EIF4ENIF1: variants seen among roughly 807,000 people sequenced by gnomAD.
EIF4ENIF1 encodes the protein eukaryotic translation initiation factor 4E nuclear import factor 1.
In EIF4ENIF1, 23 loss-of-function variants were observed where a neutral mutation model predicts 110.5. The ratio of observed to expected loss-of-function variants is 0.21; its 90% confidence interval spans 0.15 to 0.29. The LOEUF (loss-of-function observed/expected upper bound fraction) is 0.29. Ranked by LOEUF, EIF4ENIF1 falls within the 10% of genes least tolerant of loss-of-function variation. The pLI is 1.00. For missense variants in EIF4ENIF1, 1,031 were observed against 1,221.1 expected (o/e 0.84, Z 2.32); for synonymous variants, 440 against 437.0 (o/e 1.01, Z -0.09).
chr22:31,475,573 G>A (rs2051540831), intron 2 of EIF4ENIF1, among the ~76,000 whole-genome samples: 1 of 152,090 alleles, frequency 6.6e-6, no homozygotes, highest in Non-Finnish European at 1.5e-5. Flanking sequence ...CCAACATGGT[G>A]AAACCCTGTC....
At chr22:31,454,480 TTGAGA>T (rs2050759283) in intron 9 of EIF4ENIF1, 104 bp from the exon 10 acceptor site, 1 of 962,208 alleles carries the variant, frequency 1.0e-6, no homozygotes, top group Non-Finnish European at 1.5e-6. Context: ...TATTTCAAAA[TTGAGA>T]TGAGACTGTC....
chr22:31,470,057 G>A (rs1476195175), intron 3 of EIF4ENIF1, among the ~76,000 whole-genome samples: 3 of 151,034 alleles, frequency 2.0e-5, no homozygotes, highest in Admixed American at 6.6e-5. Context: ...CCAACTACTC[G>A]GGAGGCTGAG....
At chr22:31,491,681 C>T (rs1278543518), upstream of EIF4ENIF1, among the ~76,000 whole-genome samples, 2 of 152,182 alleles carry the variant, frequency 1.3e-5, no homozygotes, top group Non-Finnish European at 2.9e-5. Flanking sequence ...GCTGGGACTA[C>T]AGGCTCCTGC....
At chr22:31,453,297 GTTTTGT>G in intron 10 of EIF4ENIF1, 1 of 341,080 alleles carries the variant, frequency 2.9e-6, no homozygotes, top group Non-Finnish European at 5.9e-6. Context: ...ATGCCTACAA[GTTTTGT>G]TTTTAACTTG....
At chr22:31,463,579 G>C in intron 5 of EIF4ENIF1, 102 bp downstream of exon 5, 7 of 1,182,368 alleles carry the variant, frequency 5.9e-6, no homozygotes, top group Non-Finnish European at 6.9e-6. Context: ...ATACTGGGCT[G>C]AGGCAGCAGT....
At chr22:31,488,374 C>T (rs901034105) in intron 2 of EIF4ENIF1, among the ~76,000 whole-genome samples, 1 of 152,116 alleles carries the variant, frequency 6.6e-6, no homozygotes, top group African/African-American at 2.4e-5. Context: ...TACTGATCCG[C>T]AATTTTAAAA....
At chr22:31,482,397 T>C (rs1443515751) in intron 2 of EIF4ENIF1, among the ~76,000 whole-genome samples, 1 of 152,128 alleles carries the variant, frequency 6.6e-6, no homozygotes, top group Non-Finnish European at 1.5e-5. Flanking sequence ...GATTAGTCTA[T>C]TTGGCCGGGT....
intron 4 of EIF4ENIF1, among the ~76,000 whole-genome samples, chr22:31,465,860 G>A (rs5749280): frequency 0.072 from 11,019 of 152,268 alleles, 690 homozygotes; most frequent in East Asian, 0.33. Context: ...ACTCAACAAC[G>A]TGGATAAATC....
rs556248933 is a variant in EIF4ENIF1, at chr22:31,440,046, C to T, written c.2792G>A (p.Arg931Gln). The part of the protein sequence containing the change: ...VQTTPQNVPS[R>Q]SGLPHMHSQL... ...GGAGTGCATGTGGGGCAGGCCTGAC[C>T]GGCTGGGCACGTTCTGAGGGGTTGT... is the stretch of plus-strand genomic sequence containing the variant. The change falls in exon 19 of 19, where the codon CGG (arginine) becomes CAG (glutamine). Residue 931 changes from arginine to glutamine, a missense_variant. Physicochemically the swap from Arg to Gln is conservative, Grantham distance 43 (BLOSUM62 1). Transcript: ENST00000330125. 2.0e-5 allele frequency: 33 copies of T among 1,613,808 alleles called. No individual in the cohort carries two copies. The highest frequency in any genetic ancestry group is 1.6e-4 in the Middle Eastern group (1 of 6,084).
At chr22:31,489,163 G>A (rs2052159634) in intron 1 of EIF4ENIF1, 1 of 156,966 alleles carries the variant, frequency 6.4e-6, no homozygotes, top group South Asian at 1.8e-4. Context: ...GACGGCGCCA[G>A]CTGCCCCTTG....
intron 3 of EIF4ENIF1, among the ~76,000 whole-genome samples, chr22:31,471,137 TGAGG>T (rs1569095703): frequency 6.6e-6 from 1 of 151,922 alleles, no homozygotes; most frequent in Non-Finnish European, 1.5e-5. Flanking sequence ...CTTCTTCTTC[TGAGG>T]GAAACTAGGA....
At chr22:31,444,004 C>A (rs1426671731) in intron 15 of EIF4ENIF1, among the ~76,000 whole-genome samples, 1 of 152,020 alleles carries the variant, frequency 6.6e-6, no homozygotes, top group African/African-American at 2.4e-5. Context: ...CACTAGGTTG[C>A]CCAGTCTGGT....
intron 2 of EIF4ENIF1, among the ~76,000 whole-genome samples, chr22:31,486,498 G>A (rs1349040897): frequency 6.6e-6 from 1 of 152,010 alleles, no homozygotes; most frequent in Non-Finnish European, 1.5e-5. Flanking sequence ...CTGGAAGGGG[G>A]CCAGGTGCAG....
At chr22:31,440,145 A>G (rs1372918756) in intron 18 of EIF4ENIF1, 24 bp from the exon 19 acceptor site, 2 of 1,614,072 alleles carry the variant, frequency 1.2e-6, no homozygotes, top group Non-Finnish European at 1.7e-6. Flanking sequence ...AAGGGTTATC[A>G]TTCACAGCAT....
Position 31,463,971 on chromosome 22 carries a change from G to T in EIF4ENIF1, c.299-4C>A. The T allele has an allele frequency of 6.2e-7, 1 of 1,609,014 alleles. No homozygotes were observed. The highest frequency in any genetic ancestry group is 8.5e-7 in the Non-Finnish European group (1 of 1,178,358). On this transcript the variant is annotated splice_polypyrimidine_tract_variant and splice_region_variant and intron_variant, in intron 4 of 18. Coordinates refer to ENST00000330125, the MANE Select transcript of EIF4ENIF1 (RefSeq NM_019843.4). ...TCTTTCACACGCTCTCGTGGATCTG[G>T]AAGGACGTGGGAAAGACAAAGTTAA...
intron 2 of EIF4ENIF1, among the ~76,000 whole-genome samples, chr22:31,482,122 T>C (rs1160809773): frequency 6.6e-6 from 1 of 150,656 alleles, no homozygotes; most frequent in Non-Finnish European, 1.5e-5. Context: ...GTGAGTTAAC[T>C]GTACCACTGC....
At chr22:31,453,846 AT>A (rs1038541774) in intron 10 of EIF4ENIF1, among the ~76,000 whole-genome samples, 12 of 152,182 alleles carry the variant, frequency 7.9e-5, no homozygotes, top group African/African-American at 2.7e-4. Flanking sequence ...ATCCAAAAAG[AT>A]AGTTTTATAC....
chr22:31,476,891 T>G (rs376945031), intron 2 of EIF4ENIF1, among the ~76,000 whole-genome samples: 1,718 of 150,888 alleles, frequency 0.011, 11 homozygotes, highest in Middle Eastern at 0.031. Flanking sequence ...CCCCAGCTAC[T>G]TGGGAGGCTG....
chr22:31,452,780 T>G (rs2050713557), intron 10 of EIF4ENIF1, among the ~76,000 whole-genome samples: 1 of 152,200 alleles, frequency 6.6e-6, no homozygotes, highest in Non-Finnish European at 1.5e-5. Flanking sequence ...CTAAAGCAGT[T>G]TTACAGGGAC....
Sources: gnomAD v4.1 joint callset for allele counts (sites outside exome capture counted in the v4.1 genomes callset) on GRCh38, gnomAD v4.1.1 for gene constraint, MANE v1.5 for transcripts, NCBI Gene and HGNC (gene_info 2026-07-23, HGNC 2026-07-21) for gene names.